DNAJC7: variants seen among roughly 807,000 people sequenced by gnomAD.
DNAJC7 encodes DnaJ heat shock protein family (Hsp40) member C7.
DNAJC7 carries 18 observed loss-of-function variants against 67.4 expected under a neutral mutation model. That is an observed-to-expected ratio of 0.27 (90% CI 0.18 to 0.40). The LOEUF (loss-of-function observed/expected upper bound fraction) is 0.40, where lower values mean the gene tolerates loss of function less well. Among genes scored for constraint, DNAJC7 ranks in the 10% least tolerant of loss-of-function variants. The pLI is 1.00. For missense variants in DNAJC7, 419 were observed against 613.8 expected (o/e 0.68, Z 3.35); for synonymous variants, 220 against 207.8 (o/e 1.06, Z -0.50).
intron 1 of DNAJC7, among the ~76,000 whole-genome samples, chr17:42,009,097 T>C (rs1555650759): frequency 3.3e-5 from 5 of 152,236 alleles, no homozygotes; most frequent in African/African-American, 1.2e-4. Flanking sequence ...AGGTGAGCGC[T>C]ATCCAACTGC....
At chr17:41,980,204 C>A (rs2051212559) in intron 12 of DNAJC7, among the ~76,000 whole-genome samples, 1 of 151,868 alleles carries the variant, frequency 6.6e-6, no homozygotes, top group Non-Finnish European at 1.5e-5. Flanking sequence ...CGTGCGCCAC[C>A]ATGGCTAGCT....
In DNAJC7 at chr17:42,017,374, C is replaced by G. The variant is rs1312022213; in HGVS notation, c.43G>C (p.Glu15Gln). The G allele has an allele frequency of 6.2e-7, 1 of 1,610,492 alleles. No homozygotes were observed. The highest frequency in any genetic ancestry group is 8.5e-7 in the Non-Finnish European group (1 of 1,179,884). Reference protein sequence around the residue: ...AECDVVMAATEPELLDDQEAK... With the variant: ...AECDVVMAATQPELLDDQEAK... ...TCTTGGTCGTCGAGCAGCTCCGGCT[C>G]GGTCGCCGCCATTACCACATCGCAC... The change falls in exon 1 of 14, where the codon GAG becomes CAG. Residue 15 changes from glutamate (E) to glutamine (Q), a missense_variant. Physicochemically the swap from Glu to Gln is conservative, Grantham distance 29. Transcript: ENST00000457167.
intron 1 of DNAJC7, chr17:42,017,015 A>C: frequency 7.7e-7 from 1 of 1,305,334 alleles, no homozygotes; most frequent in Non-Finnish European, 9.8e-7. Flanking sequence ...GGAAGTCGTC[A>C]TCGACGCCGC....
At chr17:41,979,745 G>A (rs1402711049) in intron 12 of DNAJC7, among the ~76,000 whole-genome samples, 5 of 149,532 alleles carry the variant, frequency 3.3e-5, no homozygotes, top group East Asian at 4.0e-4. Flanking sequence ...GGTGGATCAC[G>A]AAGTCAGGAG....
intron 1 of DNAJC7, chr17:42,015,860 TA>T (rs2052263398): frequency 1.3e-5 from 2 of 151,940 alleles, no homozygotes; most frequent in Admixed American, 1.3e-4. Context: ...TCTCAAAAAA[TA>T]AAAAATAAAT....
chr17:42,008,706 G>C (rs1555650700), intron 1 of DNAJC7, among the ~76,000 whole-genome samples: 1 of 151,648 alleles, frequency 6.6e-6, no homozygotes, highest in African/African-American at 2.4e-5. Flanking sequence ...CACCGCGCCG[G>C]GTCAGACATA....
At chr17:41,982,830 T>G (rs2143122891) in intron 10 of DNAJC7, among the ~76,000 whole-genome samples, 1 of 151,990 alleles carries the variant, frequency 6.6e-6, no homozygotes, top group East Asian at 1.9e-4. Flanking sequence ...CGTGGTACCA[T>G]GTGCCTGTAA....
intron 7 of DNAJC7, 117 bp from the exon 8 acceptor site, chr17:41,989,013 C>T (rs2143174176): frequency 1.7e-6 from 2 of 1,195,740 alleles, no homozygotes; most frequent in South Asian, 1.4e-5. Context: ...CATCACAGAG[C>T]CCCGCCAACC....
chr17:41,983,112 CT>C lies in DNAJC7; in HGVS notation c.1084+450del, dbSNP rs1207108610. On this transcript the variant is annotated intron_variant, in intron 10 of 13. Coordinates refer to ENST00000457167, the MANE Select transcript of DNAJC7 (RefSeq NM_003315.4). ...TGCCCCAACCCAAGATATCTGTTCA[CT>C]TTTTTTTTCTTTTTTTTGTTTTTGT... Among the ~76,000 whole-genome samples the C allele has an allele frequency of 5.6e-4, 85 of 151,278 alleles. 1 individual carries two copies. In the Middle Eastern group the frequency reaches 0.01, roughly 18 times the overall value.
chr17:42,012,313 T>A (rs184281813), intron 1 of DNAJC7, among the ~76,000 whole-genome samples: 7 of 152,288 alleles, frequency 4.6e-5, no homozygotes, highest in Admixed American at 2.6e-4. Context: ...TAAAACTCCG[T>A]CTCTATTAAA....
intron 12 of DNAJC7, among the ~76,000 whole-genome samples, chr17:41,980,195 G>A (rs2051212220): frequency 6.6e-6 from 1 of 151,204 alleles, no homozygotes; most frequent in African/African-American, 2.4e-5. Context: ...GACTACAGGC[G>A]TGCGCCACCA....
intron 9 of DNAJC7, chr17:41,985,752 T>C (rs1437033131): frequency 6.6e-6 from 1 of 152,038 alleles, no homozygotes; most frequent in African/African-American, 2.4e-5. Flanking sequence ...TCAGGCCAGA[T>C]GTAAGGGTTT....
chr17:41,987,647 C>A, intron 9 of DNAJC7, 172 bp downstream of exon 9: 1 of 535,432 alleles, frequency 1.9e-6, no homozygotes, highest in Non-Finnish European at 3.3e-6. Context: ...TGTGCAATCT[C>A]CTCCGCTGGA....
chr17:42,009,543 C>T (rs375454663), intron 1 of DNAJC7, among the ~76,000 whole-genome samples: 2 of 152,162 alleles, frequency 1.3e-5, no homozygotes, highest in Non-Finnish European at 2.9e-5. Flanking sequence ...CTTGTCTCAA[C>T]GGTGAGTTGG....
intron 2 of DNAJC7, among the ~76,000 whole-genome samples, chr17:41,998,224 C>T (rs2051713309): frequency 6.6e-6 from 1 of 151,922 alleles, no homozygotes; most frequent in African/African-American, 2.4e-5. Context: ...AATCTCAGCA[C>T]TTTGGGAGGC....
chr17:41,977,397 CA>C (rs1376780611), intron 12 of DNAJC7, 74 bp from the exon 13 acceptor site: 2 of 1,324,128 alleles, frequency 1.5e-6, no homozygotes, highest in East Asian at 5.0e-5. Flanking sequence ...GAACTGATGA[CA>C]CTGAGAACAG....
At chr17:41,993,728 G>A (rs570764308) in intron 5 of DNAJC7, among the ~76,000 whole-genome samples, 8 of 152,232 alleles carry the variant, frequency 5.3e-5, no homozygotes, top group South Asian at 4.1e-4. Context: ...TAATAACTGC[G>A]AGGTCTAGAA....
chr17:41,994,579 C>CTT (rs1340372461), intron 5 of DNAJC7, among the ~76,000 whole-genome samples: 1 of 149,954 alleles, frequency 6.7e-6, no homozygotes, highest in African/African-American at 2.5e-5. Context: ...TTCCAGCGGG[C>CTT]TTTCCCTTTA....
chr17:42,000,329 G>A (rs372242972), intron 2 of DNAJC7, among the ~76,000 whole-genome samples, 153 bp downstream of exon 2: 14 of 151,996 alleles, frequency 9.2e-5, no homozygotes, highest in African/African-American at 3.4e-4. Context: ...ATGTTGGCCA[G>A]AGTGGTCTGA....
Sources: gnomAD v4.1 joint callset for allele counts (sites outside exome capture counted in the v4.1 genomes callset) on GRCh38, gnomAD v4.1.1 for gene constraint, MANE v1.5 for transcripts, NCBI Gene and HGNC (gene_info 2026-07-23, HGNC 2026-07-21) for gene names.